GRIK1: variants seen among roughly 807,000 people sequenced by gnomAD.
GRIK1 encodes the protein glutamate receptor ionotropic, kainate 1.
In GRIK1, 69 loss-of-function variants were observed where a neutral mutation model predicts 105.7. That is an observed-to-expected ratio of 0.65 (90% CI 0.54 to 0.80). The LOEUF (loss-of-function observed/expected upper bound fraction) is 0.80, where lower values mean the gene tolerates loss of function less well. GRIK1 is among the 30% of genes least tolerant of loss of function. The pLI is 0.00. For missense variants in GRIK1, 1,109 were observed against 1,167.3 expected, an observed-to-expected ratio of 0.95 and a Z score of 0.73; for synonymous variants, 438 against 431.3, an observed-to-expected ratio of 1.02 and a Z score of -0.19.
intron 7 of GRIK1, among the ~76,000 whole-genome samples, chr21:29,627,470 T>C (rs115641336): frequency 2.1e-3 from 313 of 152,284 alleles, no homozygotes; most frequent in African/African-American, 7.2e-3. Context: ...GATTACAATG[T>C]GGGAGAAAGA....
intron 1 of GRIK1, among the ~76,000 whole-genome samples, chr21:29,767,873 T>TG (rs2065713501): frequency 8.5e-5 from 2 of 23,576 alleles, no homozygotes; most frequent in Non-Finnish European, 3.9e-4. Flanking sequence ...CATGTGTGTG[T>TG]GTGTGTGTGT....
At chr21:29,734,382 T>C (rs1174541989) in intron 1 of GRIK1, among the ~76,000 whole-genome samples, 1 of 78,804 alleles carries the variant, frequency 1.3e-5, no homozygotes, top group African/African-American at 3.9e-5. Context: ...TTTTCTTTTC[T>C]TTTCTTTTCT....
chr21:29,676,580 C>T (rs1008261738), intron 3 of GRIK1, among the ~76,000 whole-genome samples: 5 of 152,158 alleles, frequency 3.3e-5, no homozygotes, highest in East Asian at 3.9e-4. Context: ...AATCCTCTCT[C>T]GTGTGGATGC....
intron 3 of GRIK1, among the ~76,000 whole-genome samples, chr21:29,681,394 T>C (rs1038484543): frequency 6.6e-6 from 1 of 152,080 alleles, no homozygotes; most frequent in African/African-American, 2.4e-5. Context: ...CTCTTCTATC[T>C]CCCCTCCCCT....
intron 14 of GRIK1, among the ~76,000 whole-genome samples, chr21:29,563,855 A>G (rs1805141630): frequency 6.6e-6 from 1 of 152,334 alleles, no homozygotes; most frequent in Admixed American, 6.5e-5. Flanking sequence ...TCAAAAAGTC[A>G]CAAAGCAAGT....
intron 14 of GRIK1, among the ~76,000 whole-genome samples, chr21:29,576,166 T>A (rs2090889371): frequency 6.6e-6 from 1 of 152,294 alleles, no homozygotes; most frequent in East Asian, 1.9e-4. Flanking sequence ...AACTTCATGA[T>A]CTTTACACCT....
At chr21:29,754,278 CAT>C (rs2065279324) in intron 1 of GRIK1, among the ~76,000 whole-genome samples, 1 of 152,118 alleles carries the variant, frequency 6.6e-6, no homozygotes, top group Non-Finnish European at 1.5e-5. Flanking sequence ...CAAAATAACT[CAT>C]GTGTGGGTGG....
chr21:29,664,820 A>G (rs1296344268), intron 4 of GRIK1, among the ~76,000 whole-genome samples: 2 of 152,190 alleles, frequency 1.3e-5, no homozygotes, highest in Non-Finnish European at 2.9e-5. Context: ...CCACTTTAGT[A>G]TGCAGGCTTC....
chr21:29,600,287 G>T (rs9976419), intron 7 of GRIK1, among the ~76,000 whole-genome samples: 7 of 152,016 alleles, frequency 4.6e-5, no homozygotes, highest in Non-Finnish European at 8.8e-5. Context: ...TGAGGGTGCC[G>T]GTCTTCTTCC....
At chr21:29,719,465 C>T (rs2064265969) in intron 1 of GRIK1, among the ~76,000 whole-genome samples, 1 of 152,032 alleles carries the variant, frequency 6.6e-6, no homozygotes, top group African/African-American at 2.4e-5. Context: ...TCATCAGTTT[C>T]TACATTTCTT....
intron 7 of GRIK1, among the ~76,000 whole-genome samples, chr21:29,627,487 C>T (rs541774288): frequency 6.4e-4 from 98 of 152,246 alleles, no homozygotes; most frequent in South Asian, 2.5e-3. Flanking sequence ...AAGAGATTCC[C>T]GTGCCCCACA....
intron 1 of GRIK1, among the ~76,000 whole-genome samples, 170 bp from the exon 2 acceptor site, chr21:29,694,233 C>T (rs960361030): frequency 7.4e-5 from 11 of 148,156 alleles, no homozygotes; most frequent in African/African-American, 2.7e-4. Context: ...AAGCGATTCT[C>T]CTGCCTCAGC....
At chr21:29,803,833 T>A (rs868139409) in intron 1 of GRIK1, among the ~76,000 whole-genome samples, 4 of 152,148 alleles carry the variant, frequency 2.6e-5, no homozygotes, top group African/African-American at 9.7e-5. Context: ...ACCCCATTCC[T>A]ACCTGTAAGT....
rs781679752 is a variant in GRIK1, at chr21:29,587,420, A to G, written c.1739T>C (p.Met580Thr). The G allele has an allele frequency of 6.2e-7, 1 of 1,613,920 alleles. No homozygotes were observed. The highest frequency in any genetic ancestry group is 2.2e-5 in the East Asian group (1 of 44,868). ...FLNPLSPDIW[M>T]YVLLACLGVS... Reference sequence around the variant, plus strand: ...TCCCAAGCAGGCTAAGAGCACATACATCCAAATATCTGGAGACAGGGGGTT... The same window carrying G: ...TCCCAAGCAGGCTAAGAGCACATACGTCCAAATATCTGGAGACAGGGGGTT... The change falls in exon 12 of 18, where the codon ATG becomes ACG. Residue 580 changes from methionine (M) to threonine (T), a missense_variant. Around this residue, in one of 5 missense-constraint regions of GRIK1, gnomAD observed 264 missense variants for 306.9 expected, o/e 0.86. Coordinates refer to ENST00000327783, the MANE Select transcript of GRIK1 (RefSeq NM_001330994.2).
chr21:29,627,193 T>C (rs2062151678), intron 7 of GRIK1, among the ~76,000 whole-genome samples: 1 of 152,246 alleles, frequency 6.6e-6, no homozygotes. Flanking sequence ...ATAATAACTA[T>C]GTATTATGTC....
intron 6 of GRIK1, 61 bp from the exon 7 acceptor site, chr21:29,643,030 C>T (rs1490376849): frequency 1.4e-6 from 2 of 1,476,728 alleles, no homozygotes; most frequent in East Asian, 4.5e-5. Context: ...CCTTTACTTG[C>T]ATAATCACTC....
chr21:29,889,422 A>T (rs1389711006), intron 1 of GRIK1, among the ~76,000 whole-genome samples: 1 of 152,132 alleles, frequency 6.6e-6, no homozygotes, highest in Non-Finnish European at 1.5e-5. Flanking sequence ...ATCCAGGATA[A>T]ATCCAGAATC....
At chr21:29,747,522 G>GT (rs5843401) in intron 1 of GRIK1, among the ~76,000 whole-genome samples, 130,710 of 152,138 alleles carry the variant, frequency 0.86, 57,637 homozygotes, top group Non-Finnish European at 0.96. Flanking sequence ...GATAGTATCA[G>GT]TTGTTGAAGA....
intron 1 of GRIK1, among the ~76,000 whole-genome samples, chr21:29,782,672 C>T (rs141624014): frequency 6.6e-6 from 1 of 152,294 alleles, no homozygotes; most frequent in Non-Finnish European, 1.5e-5. Flanking sequence ...ATAAAACGGG[C>T]AAAGATTTCC....
Sources: allele counts gnomAD v4.1 joint callset (sites outside exome capture counted in the v4.1 genomes callset), GRCh38; gene constraint gnomAD v4.1.1; regional missense constraint gnomAD v4.1.1; transcripts MANE v1.5; gene names NCBI Gene and HGNC (gene_info 2026-07-23, HGNC 2026-07-21).